Variants in TRIQK observed in about 807,000 individuals in gnomAD.
TRIQK encodes the protein triple QxxK/R motif-containing protein.
Under a neutral mutation model 10.8 loss-of-function variants are expected in TRIQK, and 10 were observed. That is an observed-to-expected ratio of 0.92 (90% CI 0.57 to 1.57). The LOEUF (loss-of-function observed/expected upper bound fraction) is 1.57. Among genes scored for constraint, TRIQK ranks in the 40% most tolerant of loss-of-function variants. The pLI is 0.00. For synonymous variants in TRIQK, 33 were observed against 33.7 expected (o/e 0.98, Z 0.07); for missense variants, 107 against 97.7 (o/e 1.09, Z -0.40).
At chr8:92,953,992 CTGTT>C (rs1231617834) in intron 2 of TRIQK, 1 of 151,884 alleles carries the variant, frequency 6.6e-6, no homozygotes, top group African/African-American at 2.4e-5. Context: ...TGATATTAAT[CTGTT>C]TATTACTTAA....
intron 1 of TRIQK, among the ~76,000 whole-genome samples, chr8:92,991,725 C>T (rs761014984): frequency 2.6e-5 from 4 of 152,154 alleles, no homozygotes; most frequent in Non-Finnish European, 4.4e-5. Flanking sequence ...TCTCTGTTTG[C>T]AGATGACATG....
intron 2 of TRIQK, among the ~76,000 whole-genome samples, chr8:92,947,987 G>A (rs1181841422): frequency 6.6e-6 from 1 of 152,156 alleles, no homozygotes; most frequent in Non-Finnish European, 1.5e-5. Flanking sequence ...TGAAACAAAT[G>A]CACATAGGGA....
intron 3 of TRIQK, among the ~76,000 whole-genome samples, chr8:92,894,562 A>G (rs1420726823): frequency 6.6e-6 from 1 of 152,082 alleles, no homozygotes; most frequent in East Asian, 1.9e-4. Flanking sequence ...TAGCTATTTG[A>G]CAGTTGCTCA....
upstream of TRIQK, among the ~76,000 whole-genome samples, chr8:92,966,332 T>A (rs1173568652): frequency 2.0e-5 from 3 of 152,160 alleles, no homozygotes; most frequent in African/African-American, 4.8e-5. Flanking sequence ...AAATAAAGAC[T>A]GTGACTTGTT....
At chr8:92,942,019 T>G (rs764500481) in intron 2 of TRIQK, among the ~76,000 whole-genome samples, 5 of 152,120 alleles carry the variant, frequency 3.3e-5, no homozygotes, top group Non-Finnish European at 7.4e-5. Flanking sequence ...AACACTAATT[T>G]TACTAAAATT....
At position 93,007,612 on chromosome 8, in the gene TRIQK, A is replaced by C. The variant is rs566483566; in HGVS notation, c.-181+9997T>G. ...AAAGGAGCATGTTCTAACCCAATGC[A>C]AAAAAGCTAAGAACCATGATAAAAC... On this transcript the variant is annotated intron_variant, in intron 1 of 4. Transcript: ENST00000520686. 2.6e-5 allele frequency among the ~76,000 whole-genome samples: 4 copies of C among 152,348 alleles called. No individual in the cohort carries two copies. In the South Asian group the frequency reaches 8.3e-4, roughly 32 times the overall value.
intron 1 of TRIQK, among the ~76,000 whole-genome samples, chr8:92,987,272 C>T (rs1184443161): frequency 2.0e-5 from 3 of 152,190 alleles, no homozygotes; most frequent in African/African-American, 7.2e-5. Flanking sequence ...AGTACAGTGA[C>T]TGATGCTTTC....
chr8:92,971,661 G>A (rs1812878352), intron 1 of TRIQK, among the ~76,000 whole-genome samples: 1 of 152,242 alleles, frequency 6.6e-6, no homozygotes, highest in South Asian at 2.1e-4. Context: ...CAAACAAATG[G>A]AAAAACATTC....
At chr8:93,012,760 TAA>T (rs571882427) in intron 1 of TRIQK, among the ~76,000 whole-genome samples, 27 of 152,300 alleles carry the variant, frequency 1.8e-4, no homozygotes, top group African/African-American at 6.5e-4. Flanking sequence ...ACCCTCTGAA[TAA>T]AAGGGTAAAA....
chr8:93,006,540 C>T (rs1813274397), intron 1 of TRIQK, among the ~76,000 whole-genome samples: 1 of 152,174 alleles, frequency 6.6e-6, no homozygotes, highest in Non-Finnish European at 1.5e-5. Flanking sequence ...CTGCCTAAGA[C>T]TATTGAGTTC....
intron 4 of TRIQK, among the ~76,000 whole-genome samples, chr8:92,888,233 A>C (rs1407071492): frequency 6.6e-6 from 1 of 151,686 alleles, no homozygotes; most frequent in African/African-American, 2.4e-5. Context: ...TGCAAGAATT[A>C]AGTTTGTACT....
At chr8:92,970,039 C>A (rs1167697929), upstream of TRIQK, among the ~76,000 whole-genome samples, 1 of 152,102 alleles carries the variant, frequency 6.6e-6, no homozygotes, top group African/African-American at 2.4e-5. Flanking sequence ...TGAGAATATT[C>A]AGTGTTTGGT....
chr8:92,898,947 A>G (rs1417080080), intron 3 of TRIQK, among the ~76,000 whole-genome samples: 2 of 145,682 alleles, frequency 1.4e-5, no homozygotes, highest in Non-Finnish European at 3.0e-5. Context: ...TGCGGTATCT[A>G]TCTCCTCCAG....
At chr8:92,937,760 A>C (rs1363874992) in intron 2 of TRIQK, among the ~76,000 whole-genome samples, 2 of 151,788 alleles carry the variant, frequency 1.3e-5, no homozygotes, top group Non-Finnish European at 2.9e-5. Context: ...TACTCTACAT[A>C]TTATATAAGA....
chr8:93,005,695 A>T (rs1484741592), intron 1 of TRIQK, among the ~76,000 whole-genome samples: 2 of 152,264 alleles, frequency 1.3e-5, no homozygotes, highest in Middle Eastern at 3.4e-3. Context: ...ATGTGGGAAA[A>T]TTGAAAGGTT....
chr8:93,014,204 C>G (rs890351589), intron 1 of TRIQK, among the ~76,000 whole-genome samples: 5 of 151,828 alleles, frequency 3.3e-5, no homozygotes, highest in African/African-American at 1.2e-4. Context: ...TTCGAATAAA[C>G]AATGTTACAG....
At chr8:92,905,187 A>G (rs1381795870) in intron 3 of TRIQK, among the ~76,000 whole-genome samples, 1 of 152,212 alleles carries the variant, frequency 6.6e-6, no homozygotes, top group Non-Finnish European at 1.5e-5. Flanking sequence ...ATAACTGTCC[A>G]AAATCAGGAG....
At chr8:93,008,308 A>T (rs907061011) in intron 1 of TRIQK, among the ~76,000 whole-genome samples, 3 of 152,202 alleles carry the variant, frequency 2.0e-5, no homozygotes, top group Non-Finnish European at 4.4e-5. Flanking sequence ...TCAAATTAAA[A>T]TTTTAAAAAT....
intron 1 of TRIQK, among the ~76,000 whole-genome samples, chr8:93,009,677 T>A (rs1036392282): frequency 1.3e-5 from 2 of 151,858 alleles, no homozygotes; most frequent in Non-Finnish European, 2.9e-5. Flanking sequence ...ACACAGGCTA[T>A]TCAGAATGTA....
Sources: allele counts gnomAD v4.1 joint callset (sites outside exome capture counted in the v4.1 genomes callset), GRCh38; gene constraint gnomAD v4.1.1; transcripts MANE v1.5; gene names NCBI Gene and HGNC (gene_info 2026-07-23, HGNC 2026-07-21).